NUP54: variants seen among roughly 807,000 people sequenced by gnomAD.
The protein encoded by NUP54 is nucleoporin p54.
Under a neutral mutation model 66.4 loss-of-function variants are expected in NUP54, and 27 were observed. The observed-to-expected ratio is 0.41, with a 90% CI of 0.30 to 0.56. The LOEUF is 0.56. NUP54 is among the 20% of genes least tolerant of loss of function. NUP54 has a pLI of 0.34. For synonymous variants in NUP54, 206 were observed against 210.7 expected, an observed-to-expected ratio of 0.98 and a Z score of 0.19; for missense variants, 486 against 596.3, an observed-to-expected ratio of 0.82 and a Z score of 1.93.
At chr4:76,127,432 C>CAAAAAAAAA (rs59383944) in intron 8 of NUP54, among the ~76,000 whole-genome samples, 7 of 54,762 alleles carry the variant, frequency 1.3e-4, no homozygotes, top group East Asian at 5.0e-4. Context: ...ACCCCCATCT[C>CAAAAAAAAA]AAAAAAAAAA....
chr4:76,132,991 C>T (rs11729810), intron 5 of NUP54, among the ~76,000 whole-genome samples: 19,820 of 150,752 alleles, frequency 0.13, 1,534 homozygotes, highest in East Asian at 0.35. Flanking sequence ...GAGAGTACAG[C>T]TGCACACCCG....
At chr4:76,144,323 TA>T (rs33913434) in intron 2 of NUP54, 31 bp from the exon 3 acceptor site, 154,281 of 1,450,244 alleles carry the variant, frequency 0.11, no homozygotes, top group Non-Finnish European at 0.12. Flanking sequence ...CTTCGTAAGT[TA>T]AAAAAAAAAA....
rs571337882 is a variant in NUP54 at position 76,115,497 on chromosome 4, A to G, written c.1396-3T>C. On this transcript the variant is annotated splice_polypyrimidine_tract_variant and splice_region_variant and intron_variant, in intron 11 of 11. Transcript: ENST00000264883. ...CCTTCCTGTTGTTGTTTCAAATGCT[A>G]GAACAAATTAAGAAACAACATATTA... The G allele has an allele frequency of 1.3e-6, 2 of 1,590,182 alleles. No individual in the cohort carries two copies. The highest frequency in any genetic ancestry group is 2.3e-5 in the South Asian group (2 of 85,338).
chr4:76,133,607 A>G (rs1055245575), intron 5 of NUP54, among the ~76,000 whole-genome samples: 1 of 152,148 alleles, frequency 6.6e-6, no homozygotes, highest in Non-Finnish European at 1.5e-5. Flanking sequence ...GTGCCCGGCC[A>G]ATAAGATAAT....
chr4:76,123,953 A>G (rs1353897882), intron 9 of NUP54, among the ~76,000 whole-genome samples: 1 of 152,194 alleles, frequency 6.6e-6, no homozygotes, highest in East Asian at 1.9e-4. Flanking sequence ...TTTCAAAGAA[A>G]CAGTTTTTTA....
chr4:76,125,562 G>A (rs1464936827), intron 8 of NUP54, among the ~76,000 whole-genome samples: 1 of 138,092 alleles, frequency 7.2e-6, no homozygotes, highest in Admixed American at 7.4e-5. Flanking sequence ...TTGAGCCCAG[G>A]AGTTTGAGGT....
intron 11 of NUP54, among the ~76,000 whole-genome samples, chr4:76,115,890 A>G (rs898127772): frequency 6.6e-6 from 1 of 152,174 alleles, no homozygotes; most frequent in African/African-American, 2.4e-5. Flanking sequence ...ACATAGTGAT[A>G]ATGGTGGTGA....
chr4:76,136,176 T>C lies in NUP54; in HGVS notation c.522+10A>G. 2 of 1,581,722 alleles carry C rather than the reference T, an allele frequency of 1.3e-6. No individual in the cohort carries two copies. The highest frequency in any genetic ancestry group is 1.1e-5 in the South Asian group (1 of 90,016). On this transcript the variant is annotated intron_variant, in intron 4 of 11. Transcript: ENST00000264883. ...TCTTCAACTGAAGATAAAAATAGTA[T>C]TAATAATACCTTAAATCGGCAAAAG... is the stretch of plus-strand genomic sequence containing the variant.
At position 76,147,522 on chromosome 4, in the gene NUP54, G is replaced by T. The variant is rs766174384; in HGVS notation, c.67+786C>A. On this transcript the variant is annotated intron_variant, in intron 1 of 11. Transcript: ENST00000264883. Reference sequence around the variant, plus strand: ...TACCAAAATTGAACGGAGTCGCCGAGGTAGTAGAAACACCGAAATTCCCAA... The same window carrying T: ...TACCAAAATTGAACGGAGTCGCCGATGTAGTAGAAACACCGAAATTCCCAA... The T allele has an allele frequency of 1.9e-4, 245 of 1,289,634 alleles. 3 individuals are homozygous for T. The South Asian group carries it at 2.5e-3, about 13-fold the overall frequency. 79.9% of individuals were successfully genotyped at this position (1,289,634 alleles called of 1,614,324 possible).
At chr4:76,117,879 A>ATT in intron 10 of NUP54, 105 bp from the exon 11 acceptor site, 1 of 1,062,246 alleles carries the variant, frequency 9.4e-7, no homozygotes, top group Non-Finnish European at 1.4e-6. Context: ...AAAAATTTCT[A>ATT]TTTCTCTCTC....
chr4:76,131,386 T>A (rs185195707), intron 6 of NUP54, 102 bp from the exon 7 acceptor site: 2 of 600,100 alleles, frequency 3.3e-6, no homozygotes, highest in African/African-American at 3.9e-5. Context: ...CTAGAAGCTA[T>A]AATGAAAAGT....
At chr4:76,148,266 C>G (rs1731599540) in intron 1 of NUP54, 42 bp downstream of exon 1, 1 of 1,307,208 alleles carries the variant, frequency 7.6e-7, no homozygotes, top group South Asian at 2.0e-5. Flanking sequence ...GGACCAGACC[C>G]TTCCCCTTCT....
At chr4:76,141,840 A>G (rs969149554) in intron 3 of NUP54, among the ~76,000 whole-genome samples, 6 of 152,206 alleles carry the variant, frequency 3.9e-5, no homozygotes, top group African/African-American at 1.4e-4. Context: ...TCCAATTCAT[A>G]TCTATCTCTC....
At chr4:76,119,474 C>T (rs1297488969) in intron 9 of NUP54, among the ~76,000 whole-genome samples, 2 of 152,070 alleles carry the variant, frequency 1.3e-5, no homozygotes, top group African/African-American at 4.8e-5. Context: ...TCAAGCAATC[C>T]TCCCACCTCA....
chr4:76,134,677 C>T lies in NUP54; in HGVS notation c.523-315G>A, dbSNP rs1730956970. Among the ~76,000 whole-genome samples the T allele has an allele frequency of 2.0e-5, 3 of 152,026 alleles. No individual in the cohort carries two copies. In the South Asian group the frequency reaches 6.2e-4, roughly 32 times the overall value. On this transcript the variant is annotated intron_variant, in intron 4 of 11. Transcript: ENST00000264883. ...GGTTGTTTCTGAACCATCTGCATGT[C>T]ATTATAAAAGTGACTGCAAAAATCA...
At chr4:76,139,298 AC>A (rs2109900504) in intron 3 of NUP54, among the ~76,000 whole-genome samples, 1 of 152,306 alleles carries the variant, frequency 6.6e-6, no homozygotes, top group East Asian at 1.9e-4. Context: ...TCTTAGCATC[AC>A]CAAAAGTGAG....
At position 76,148,325 on chromosome 4, in the gene NUP54, G is replaced by A; in HGVS notation, c.50C>T (p.Ala17Val). 6.5e-7 allele frequency: 1 copy of A among 1,531,602 alleles called. No homozygotes were observed. The highest frequency in any genetic ancestry group is 8.8e-7 in the Non-Finnish European group (1 of 1,139,030). 94.9% of individuals were successfully genotyped at this position (1,531,602 alleles called of 1,614,324 possible). ...TCACTCACCCGCGGGGGCCGCGGTG[G>A]CTGCAGCGGTACCGGAGGTGCCCGA... Reference protein sequence around the residue: ...APSGTSGTAAATAAPAGGFGG... With the variant: ...APSGTSGTAAVTAAPAGGFGG... Residue 17 changes from alanine (A) to valine (V), a missense_variant, in exon 1 of 12, where the codon GCC (alanine) becomes GTC (valine). Physicochemically the swap from Ala to Val is moderately conservative, Grantham distance 64. Coordinates refer to ENST00000264883, the MANE Select transcript of NUP54 (RefSeq NM_017426.4).
Position 76,117,705 on chromosome 4 carries a change from T to C in NUP54, c.1354A>G (p.Arg452Gly). Reference protein sequence around the residue: ...NHFGAVRSEERYYIDADLLRE... With the variant: ...NHFGAVRSEEGYYIDADLLRE... Reference sequence around the variant, plus strand: ...AACAGATCTGCATCTATGTAATACCTTTCTTCAGATCTGACTGCTCCAAAA... The same window carrying C: ...AACAGATCTGCATCTATGTAATACCCTTCTTCAGATCTGACTGCTCCAAAA... The change falls in exon 11 of 12, where the codon AGG (arginine) becomes GGG (glycine). Residue 452 changes from arginine (R) to glycine (G), a missense_variant. Physicochemically the swap from Arg to Gly is moderately radical, Grantham distance 125. Around this residue, in one of 4 missense-constraint regions of NUP54, gnomAD observed 83 missense variants for 128.6 expected, o/e 0.65. Transcript: ENST00000264883. 1.9e-6 allele frequency: 3 copies of C among 1,613,774 alleles called. No individual in the cohort carries two copies. The highest frequency in any genetic ancestry group is 2.5e-6 in the Non-Finnish European group (3 of 1,179,700).
intron 9 of NUP54, among the ~76,000 whole-genome samples, chr4:76,119,162 A>AT (rs929508662): frequency 2.6e-5 from 4 of 151,994 alleles, no homozygotes; most frequent in African/African-American, 9.7e-5. Context: ...TATTTCTTGG[A>AT]TTTTTTTTGA....
Sources: allele counts gnomAD v4.1 joint callset (sites outside exome capture counted in the v4.1 genomes callset), GRCh38; gene constraint gnomAD v4.1.1; regional missense constraint gnomAD v4.1.1; transcripts MANE v1.5; gene names NCBI Gene and HGNC (gene_info 2026-07-23, HGNC 2026-07-21).